The following AHNAK variants were observed in gnomAD, a reference collection of about 807,000 sequenced individuals.
AHNAK encodes AHNAK nucleoprotein.
AHNAK carries 23 observed loss-of-function variants against 37.8 expected under a neutral mutation model. The observed-to-expected ratio is 0.61, with a 90% CI of 0.44 to 0.86. The LOEUF (loss-of-function observed/expected upper bound fraction) is 0.86, where lower values mean the gene tolerates loss of function less well. Ranked by LOEUF, AHNAK falls within the 40% of genes least tolerant of loss-of-function variation. The pLI is 0.00. For synonymous variants in AHNAK, 2,481 were observed against 2,636.3 expected, an observed-to-expected ratio of 0.94 and a Z score of 1.80; for missense variants, 7,411 against 7,319.4, an observed-to-expected ratio of 1.01 and a Z score of -0.46.
At chr11:62,486,580 G>A (rs779760272) in intron 5 of AHNAK, among the ~76,000 whole-genome samples, 8 of 152,026 alleles carry the variant, frequency 5.3e-5, no homozygotes, top group Admixed American at 6.6e-5. Context: ...GGTGGTTGCC[G>A]GGGGCTGGAG....
In AHNAK at chr11:62,518,436, T is replaced by C; in HGVS notation, c.15981A>G (p.Pro5327=). 3 of 1,614,104 alleles carry C rather than the reference T, an allele frequency of 1.9e-6. No homozygotes were observed. The South Asian group carries it at 3.3e-5, about 18-fold the overall frequency. ...ASVPSMKVHA[P]GLNLSGVGGK... ...CACCGACACCACTGAGGTTGAGCCC[T>C]GGAGCATGCACCTTCATGCTGGGAA... Residue 5327 remains proline (P), a synonymous_variant, in exon 5 of 5, where the codon CCA becomes CCG. Transcript: ENST00000378024.
intron 4 of AHNAK, among the ~76,000 whole-genome samples, chr11:62,510,348 T>C (rs1020294039): frequency 1.3e-5 from 2 of 151,920 alleles, no homozygotes; most frequent in Non-Finnish European, 2.9e-5. Context: ...CCGCCCTCTA[T>C]TGGAGTTATA....
rs753552583 is a variant in AHNAK, at chr11:62,516,031, A to G, written c.*713T>C. 9 of 1,181,576 alleles carry G rather than the reference A, an allele frequency of 7.6e-6. No individual in the cohort carries two copies. Among genetic ancestry groups the G allele is most frequent in the Non-Finnish European group, 8.5e-6 (8 of 936,688 alleles). 73.2% of individuals were successfully genotyped at this position (1,181,576 alleles called of 1,614,324 possible). A position where few individuals can be genotyped will look rare whatever the true frequency, so the allele number is the denominator to read the frequency against. ...ATTTGTTAAAAAGAAATCAGAACTA[A>G]TATCAGGAACATGGCGGCATGAAGG... On this transcript the variant is annotated 3_prime_UTR_variant, in exon 5 of 5. Transcript: ENST00000378024.
Position 62,523,586 on chromosome 11 carries a change from T to G in AHNAK, c.10831A>C (p.Ser3611Arg). The G allele has an allele frequency of 8.7e-6, 14 of 1,614,174 alleles. No homozygotes were observed. The highest frequency in any genetic ancestry group is 1.2e-5 in the Non-Finnish European group (14 of 1,180,044). The change falls in exon 5 of 5, where the codon AGC becomes CGC. Residue 3611 changes from serine to arginine, a missense_variant. By Grantham distance (110) the Ser-to-Arg change is moderately radical. Transcript: ENST00000378024. ...KMPKVKMPKF[S>R]MPGFKGEGPE... ...CCTTCTCCTTTGAAGCCAGGCATGC[T>G]GAACTTGGGCATTTTCACTTTGGGC...
rs1940429820 is a variant in AHNAK at position 62,525,227 on chromosome 11, C to G, written c.9190G>C (p.Asp3064His). 2 of 1,611,514 alleles carry G rather than the reference C, an allele frequency of 1.2e-6. No homozygotes were observed. The highest frequency in any genetic ancestry group is 1.7e-6 in the Non-Finnish European group (2 of 1,179,506). ...CCCTCTGGGCCTTCGATATTCACATCTGGAACATCAATGTCCACCTTGGGT... is the reference window on the plus strand; with the variant it reads ...CCCTCTGGGCCTTCGATATTCACATGTGGAACATCAATGTCCACCTTGGGT... The part of the protein sequence containing the change: ...SGPKVDIDVP[D>H]VNIEGPEGKL... Residue 3064 changes from aspartate (D) to histidine (H), a missense_variant, in exon 5 of 5, where the codon GAT (aspartate) becomes CAT (histidine). Physicochemically the swap from Asp to His is moderately conservative, Grantham distance 81 (BLOSUM62 -1). Coordinates refer to ENST00000378024, the MANE Select transcript of AHNAK (RefSeq NM_001620.3).
At chr11:62,468,206 G>A (rs965506747) in intron 5 of AHNAK, among the ~76,000 whole-genome samples, 65 of 152,202 alleles carry the variant, frequency 4.3e-4, no homozygotes, top group African/African-American at 1.3e-3. Context: ...AACTTAGCCA[G>A]GTGTGATGGC....
chr11:62,465,045 C>T (rs1401687473), intron 5 of AHNAK, among the ~76,000 whole-genome samples: 1 of 152,112 alleles, frequency 6.6e-6, no homozygotes, highest in Admixed American at 6.6e-5. Flanking sequence ...GCTGTTCCTC[C>T]CGTTTCCTTT....
At position 62,522,645 on chromosome 11, in the gene AHNAK, T is replaced by C. The variant is rs182571657; in HGVS notation, c.11772A>G (p.Arg3924=). 1.3e-5 allele frequency: 21 copies of C among 1,609,208 alleles called. No individual in the cohort carries two copies. In the Admixed American group the frequency reaches 1.9e-4, roughly 14 times the overall value. The change falls in exon 5 of 5, where the codon CGA becomes CGG. Residue 3924 remains arginine (R), a synonymous_variant. Coordinates refer to ENST00000378024, the MANE Select transcript of AHNAK (RefSeq NM_001620.3). The part of the protein sequence containing the change: ...VDINAPDVDV[R]GPDWHLKMPK... ...GCATCTTCAGGTGCCAGTCTGGGCC[T>C]CGAACATCCACATCTGGGGCATTAA... is the stretch of plus-strand genomic sequence containing the variant.
rs1940897578 is a variant in AHNAK, at chr11:62,535,058, G to A, written c.287C>T (p.Pro96Leu). 6.2e-7 allele frequency: 1 copy of A among 1,613,908 alleles called. No homozygotes were observed. The change falls in exon 4 of 5, where the codon CCT becomes CTT. Residue 96 changes from proline to leucine, a missense_variant. Coordinates refer to ENST00000378024, the MANE Select transcript of AHNAK (RefSeq NM_001620.3). ...GACTTCACGGGTCCAGGTCTGGCCA[G>A]GCTCGGGAGAGCGGTCCCCCTTGCG... The part of the protein sequence containing the change: ...LHRKGDRSPE[P>L]GQTWTREVFS...
At chr11:62,489,750 G>A (rs1235185219) in intron 5 of AHNAK, among the ~76,000 whole-genome samples, 1 of 152,144 alleles carries the variant, frequency 6.6e-6, no homozygotes, top group Non-Finnish European at 1.5e-5. Flanking sequence ...AGCCCCAAGA[G>A]GTTGCCCGGA....
intron 1 of AHNAK, among the ~76,000 whole-genome samples, chr11:62,544,100 C>T (rs1310548263): frequency 1.3e-5 from 2 of 152,136 alleles, no homozygotes; most frequent in African/African-American, 4.8e-5. Context: ...CTCAGGGTGA[C>T]CGGCTCTGCC....
At chr11:62,537,134 G>C (rs1187127377) in intron 1 of AHNAK, among the ~76,000 whole-genome samples, 1 of 151,804 alleles carries the variant, frequency 6.6e-6, no homozygotes, top group Non-Finnish European at 1.5e-5. Flanking sequence ...CTAATTTTTT[G>C]TATTTTTAGT....
At position 62,518,886 on chromosome 11, in the gene AHNAK, G is replaced by A. The variant is rs1488377842; in HGVS notation, c.15531C>T (p.Gly5177=). The A allele has an allele frequency of 1.2e-6, 2 of 1,614,086 alleles. No homozygotes were observed. Among genetic ancestry groups the A allele is most frequent in the Admixed American group, 1.7e-5 (1 of 60,008 alleles). Reference sequence around the variant, plus strand: ...ACGGTGTTTTGACTTTAGCATCTAGGCCTTCGATGTTGATGTCAGGTGCAC... The same window carrying A: ...ACGGTGTTTTGACTTTAGCATCTAGACCTTCGATGTTGATGTCAGGTGCAC... ...NLGAPDINIE[G]LDAKVKTPSF... Residue 5177 remains glycine (G), a synonymous_variant, in exon 5 of 5, where the codon GGC becomes GGT. Transcript: ENST00000378024.
chr11:62,483,453 G>A (rs921308818), intron 5 of AHNAK, among the ~76,000 whole-genome samples: 5 of 152,234 alleles, frequency 3.3e-5, no homozygotes, highest in East Asian at 1.9e-4. Flanking sequence ...CGGGCCGGGC[G>A]CGGTGGCTCG....
rs144198642 is a variant in AHNAK at position 62,521,912 on chromosome 11, T to C, written c.12505A>G (p.Lys4169Glu). 6.5e-5 allele frequency: 105 copies of C among 1,613,446 alleles called. No homozygotes were observed. The highest frequency in any genetic ancestry group is 8.6e-5 in the Non-Finnish European group (101 of 1,179,956). ...ACATCTGGGACATCAATGTCCACTT[T>C]GGGGCCCTTGATGTCAACTTCAGGG... ...KGPEVDIKGP[K>E]VDIDVPDVDV... The change falls in exon 5 of 5, where the codon AAA becomes GAA. Residue 4169 changes from lysine (K) to glutamate (E), a missense_variant. Lys to Glu is a moderately conservative substitution (Grantham distance 56, BLOSUM62 1). Transcript: ENST00000378024.
intron 5 of AHNAK, among the ~76,000 whole-genome samples, chr11:62,467,081 G>A (rs867112005): frequency 4.6e-5 from 7 of 152,104 alleles, no homozygotes; most frequent in Non-Finnish European, 7.3e-5. Flanking sequence ...GCGCATGCCT[G>A]TAGTCCCAGC....
At chr11:62,468,007 C>G (rs1938950270) in intron 5 of AHNAK, among the ~76,000 whole-genome samples, 1 of 152,074 alleles carries the variant, frequency 6.6e-6, no homozygotes, top group Non-Finnish European at 1.5e-5. Flanking sequence ...TCCCTGTCCT[C>G]TAGAATCTTC....
rs566485366 is a variant in AHNAK at position 62,530,903 on chromosome 11, C to T, written c.3514G>A (p.Glu1172Lys). Residue 1172 changes from glutamate (E) to lysine (K), a missense_variant, in exon 5 of 5, where the codon GAA (glutamate) becomes AAA (lysine). By Grantham distance (56) the Glu-to-Lys change is moderately conservative. Transcript: ENST00000378024. ...VDIEAPDVSL[E>K]GPEGKLKGPK... ...CCCTTCAGCTTCCCTTCTGGACCTT[C>T]GAGGCTCACATCTGGGGCTTCGATG... is the stretch of plus-strand genomic sequence containing the variant. 4.3e-6 allele frequency: 7 copies of T among 1,613,748 alleles called. No homozygotes were observed. The highest frequency in any genetic ancestry group is 4.0e-5 in the African/African-American group (3 of 74,874).
Position 62,523,127 on chromosome 11 carries a change from C to A in AHNAK, c.11290G>T (p.Asp3764Tyr), listed in dbSNP as rs1467867501. 6.2e-7 allele frequency: 1 copy of A among 1,613,972 alleles called. No homozygotes were observed. Among genetic ancestry groups the A allele is most frequent in the African/African-American group, 1.3e-5 (1 of 74,876 alleles). ...CCTTCCATTTTGGGCAGAGAAACATCCACATCGCCCTTGACTTTGGGGCCC... is the reference window on the plus strand; with the variant it reads ...CCTTCCATTTTGGGCAGAGAAACATACACATCGCCCTTGACTTTGGGGCCC... Reference protein sequence around the residue: ...LKGPKVKGDVDVSLPKMEGDL... With the variant: ...LKGPKVKGDVYVSLPKMEGDL... The change falls in exon 5 of 5, where the codon GAT becomes TAT. Residue 3764 changes from aspartate to tyrosine, a missense_variant. Asp to Tyr is a radical substitution (Grantham distance 160). Coordinates refer to ENST00000378024, the MANE Select transcript of AHNAK (RefSeq NM_001620.3).
Sources: allele counts gnomAD v4.1 joint callset (sites outside exome capture counted in the v4.1 genomes callset), GRCh38; gene constraint gnomAD v4.1.1; transcripts MANE v1.5; gene names NCBI Gene and HGNC (gene_info 2026-07-23, HGNC 2026-07-21).